Variants in ALDH18A1 observed in about 807,000 individuals in gnomAD.
ALDH18A1 encodes the protein delta-1-pyrroline-5-carboxylate synthase.
ALDH18A1 carries 44 observed loss-of-function variants against 88.8 expected under a neutral mutation model. The observed-to-expected ratio is 0.50, with a 90% CI of 0.39 to 0.64. The LOEUF (loss-of-function observed/expected upper bound fraction) is 0.64. Ranked by LOEUF, ALDH18A1 falls within the 30% of genes least tolerant of loss-of-function variation. The pLI is 0.00. For synonymous variants in ALDH18A1, 331 were observed against 372.1 expected (o/e 0.89, Z 1.27); for missense variants, 782 against 1,009.5 (o/e 0.77, Z 3.05).
At position 95,616,505 on chromosome 10, in the gene ALDH18A1, A is replaced by T; in HGVS notation, c.1577T>A (p.Ile526Asn). The T allele has an allele frequency of 1.9e-6, 3 of 1,573,064 alleles. No homozygotes were observed. The highest frequency in any genetic ancestry group is 2.6e-6 in the Non-Finnish European group (3 of 1,158,104). Residue 526 changes from isoleucine to asparagine, a missense_variant, in exon 13 of 18, where the codon ATC becomes AAC. Coordinates refer to ENST00000371224, the MANE Select transcript of ALDH18A1 (RefSeq NM_002860.4). ...TTGCACGGCCTCCTTGACTCCATGG[A>T]TTGAGAGAGCCTCCTGGGTCAGGAG... The part of the protein sequence containing the change: ...LHLLTQEALS[I>N]HGVKEAVQLV...
At chr10:95,633,383 T>G in intron 6 of ALDH18A1, 108 bp downstream of exon 6, 1 of 1,417,686 alleles carries the variant, frequency 7.1e-7, no homozygotes, top group Non-Finnish European at 9.7e-7. Context: ...CAAGTTTCTC[T>G]CACAACTTTT....
intron 10 of ALDH18A1, among the ~76,000 whole-genome samples, chr10:95,625,910 G>C (rs2097859763): frequency 6.6e-6 from 1 of 151,832 alleles, no homozygotes; most frequent in South Asian, 2.1e-4. Context: ...TTTATGTCCA[G>C]GTAAGTTTTT....
intron 12 of ALDH18A1, among the ~76,000 whole-genome samples, chr10:95,618,658 C>T (rs1358667981): frequency 2.0e-5 from 3 of 152,120 alleles, no homozygotes; most frequent in African/African-American, 7.2e-5. Flanking sequence ...AGTTCTTTTT[C>T]CTAACAGATG....
chr10:95,638,993 C>T (rs2097886358), intron 3 of ALDH18A1, among the ~76,000 whole-genome samples: 1 of 152,056 alleles, frequency 6.6e-6, no homozygotes, highest in African/African-American at 2.4e-5. Context: ...TGACCTCAGC[C>T]CCTTGAGTAG....
intron 12 of ALDH18A1, among the ~76,000 whole-genome samples, chr10:95,620,709 A>T (rs79272646): frequency 5.5e-5 from 8 of 145,622 alleles, no homozygotes; most frequent in African/African-American, 1.5e-4. Flanking sequence ...CAAACAATGC[A>T]TGTTCTCACT....
At position 95,626,812 on chromosome 10, in the gene ALDH18A1, C is replaced by T. The variant is rs766939076; in HGVS notation, c.1079-36G>A. ...ATGTGCAAATATCAGGTCATGGTCACCTTAGTTCTCTCTCTAGTTCTACTA... is the reference window on the plus strand; with the variant it reads ...ATGTGCAAATATCAGGTCATGGTCATCTTAGTTCTCTCTCTAGTTCTACTA... On this transcript the variant is annotated intron_variant, in intron 9 of 17. Coordinates refer to ENST00000371224, the MANE Select transcript of ALDH18A1 (RefSeq NM_002860.4). The T allele has an allele frequency of 5.6e-6, 9 of 1,608,540 alleles. No individual in the cohort carries two copies. In the East Asian group the frequency reaches 1.1e-4, roughly 20 times the overall value.
At position 95,633,521 on chromosome 10, in the gene ALDH18A1, A is replaced by G. The variant is rs1442801501; in HGVS notation, c.687T>C (p.Ala229=). 3 of 1,614,084 alleles carry G rather than the reference A, an allele frequency of 1.9e-6. No individual in the cohort carries two copies. The highest frequency in any genetic ancestry group is 2.5e-6 in the Non-Finnish European group (3 of 1,180,050). The change falls in exon 6 of 18, where the codon GCT becomes GCC. Residue 229 remains alanine, a synonymous_variant. Transcript: ENST00000371224. The part of the protein sequence containing the change: ...VNTNDAVVPP[A]EPNSDLQGVN... ...CCCCCTGCAGGTCACTGTTGGGCTC[A>G]GCTGGGGGGACAACAGCATCATTTG...
In ALDH18A1 at chr10:95,628,349, T is replaced by C; in HGVS notation, c.933+19A>G. 1 of 1,614,090 alleles carries C rather than the reference T, an allele frequency of 6.2e-7. No homozygotes were observed. The highest frequency in any genetic ancestry group is 8.5e-7 in the Non-Finnish European group (1 of 1,179,942). Reference sequence around the variant, plus strand: ...GGGCTTTAAAATTGTTATAGGCAGTTAAGGCACCAGATTCTTACCTTGGCT... The same window carrying C: ...GGGCTTTAAAATTGTTATAGGCAGTCAAGGCACCAGATTCTTACCTTGGCT... On this transcript the variant is annotated intron_variant, in intron 8 of 17. Coordinates refer to ENST00000371224, the MANE Select transcript of ALDH18A1 (RefSeq NM_002860.4).
At chr10:95,637,563 C>T in intron 3 of ALDH18A1, 127 bp from the exon 4 acceptor site, 1 of 1,156,290 alleles carries the variant, frequency 8.6e-7, no homozygotes, top group Non-Finnish European at 1.2e-6. Context: ...CAGCATGTGG[C>T]TGGCTCTGGA....
intron 2 of ALDH18A1, among the ~76,000 whole-genome samples, chr10:95,648,889 T>C (rs2097905379): frequency 6.6e-6 from 1 of 152,208 alleles, no homozygotes. Flanking sequence ...AAACAGACAG[T>C]TGTTTTAAGC....
At position 95,611,263 on chromosome 10, in the gene ALDH18A1, T is replaced by C. The variant is rs1356819042; in HGVS notation, c.2103A>G (p.Thr701=). 1 of 1,614,040 alleles carries C rather than the reference T, an allele frequency of 6.2e-7. No individual in the cohort carries two copies. Among genetic ancestry groups the C allele is most frequent in the Non-Finnish European group, 8.5e-7 (1 of 1,179,970 alleles). ...AAGCATCTGGACACTGACCGTCCTCTGTGACGATGACATCCGTGTGGGAGC... is the reference window on the plus strand; with the variant it reads ...AAGCATCTGGACACTGACCGTCCTCCGTGACGATGACATCCGTGTGGGAGC... ...YGSSHTDVIV[T]EDENTAEFFL... The change falls in exon 16 of 18, where the codon ACA becomes ACG. Residue 701 remains threonine, a synonymous_variant. Transcript: ENST00000371224.
chr10:95,629,423 A>G (rs1248645796), intron 7 of ALDH18A1, among the ~76,000 whole-genome samples: 1 of 152,236 alleles, frequency 6.6e-6, no homozygotes, highest in African/African-American at 2.4e-5. Flanking sequence ...GGAGTAAGTG[A>G]ATCAGGGAAG....
chr10:95,641,109 CCT>C (rs1491133002), intron 3 of ALDH18A1, among the ~76,000 whole-genome samples: 28,984 of 96,350 alleles, frequency 0.3, 3,014 homozygotes, highest in Middle Eastern at 0.41. Flanking sequence ...TGCAGGGGCA[CCT>C]CACACTGTGT....
At chr10:95,642,129 A>T (rs1264863483) in intron 3 of ALDH18A1, among the ~76,000 whole-genome samples, 1 of 152,216 alleles carries the variant, frequency 6.6e-6, no homozygotes, top group East Asian at 1.9e-4. Flanking sequence ...GCTGCCATGG[A>T]ATAGCTCTTG....
chr10:95,607,106 A>G (rs574631942), intron 17 of ALDH18A1, among the ~76,000 whole-genome samples, 163 bp from the exon 18 acceptor site: 12 of 152,256 alleles, frequency 7.9e-5, no homozygotes, highest in African/African-American at 2.6e-4. Flanking sequence ...TCCCATAAAC[A>G]TGTTCTTCGA....
At chr10:95,656,241 G>A (rs905918972) in intron 1 of ALDH18A1, among the ~76,000 whole-genome samples, 1 of 152,222 alleles carries the variant, frequency 6.6e-6, no homozygotes, top group Admixed American at 6.5e-5. Context: ...CTCTTGGAAA[G>A]AAGGGGCCCG....
intron 2 of ALDH18A1, among the ~76,000 whole-genome samples, chr10:95,651,214 T>G (rs1027149722): frequency 6.6e-6 from 1 of 152,058 alleles, no homozygotes; most frequent in Non-Finnish European, 1.5e-5. Context: ...CATGAAAAGA[T>G]GTTCAATATC....
At position 95,628,506 on chromosome 10, in the gene ALDH18A1, A is replaced by C; in HGVS notation, c.809-14T>G. 6.2e-7 allele frequency: 1 copy of C among 1,611,550 alleles called. No individual in the cohort carries two copies. Among genetic ancestry groups the C allele is most frequent in the Non-Finnish European group, 8.5e-7 (1 of 1,179,848 alleles). On this transcript the variant is annotated splice_polypyrimidine_tract_variant and intron_variant, in intron 7 of 17. Transcript: ENST00000371224. ...TGTCAAAAAGGCCTAAAAAATAGAC[A>C]AGAGTCAGTAATACTGCTTTGATGG...
chr10:95,608,229 G>A (rs1301263193), intron 17 of ALDH18A1, among the ~76,000 whole-genome samples: 1 of 152,154 alleles, frequency 6.6e-6, no homozygotes, highest in Non-Finnish European at 1.5e-5. Flanking sequence ...CCTTCATCCT[G>A]GATTTTCATT....
Sources: allele counts gnomAD v4.1 joint callset (sites outside exome capture counted in the v4.1 genomes callset), GRCh38; gene constraint gnomAD v4.1.1; transcripts MANE v1.5; gene names NCBI Gene and HGNC (gene_info 2026-07-23, HGNC 2026-07-21).